Variants in GDAP2 observed in about 807,000 individuals in gnomAD.
GDAP2 encodes ganglioside-induced differentiation-associated protein 2.
Under a neutral mutation model 67.0 loss-of-function variants are expected in GDAP2, and 51 were observed. The observed-to-expected ratio is 0.76, with a 90% CI of 0.61 to 0.96. The LOEUF (loss-of-function observed/expected upper bound fraction) is 0.96. GDAP2 is among the 40% of genes least tolerant of loss of function. The pLI is 0.00. For missense variants in GDAP2, 547 were observed against 588.3 expected, an observed-to-expected ratio of 0.93 and a Z score of 0.73; for synonymous variants, 203 against 207.3, an observed-to-expected ratio of 0.98 and a Z score of 0.18.
intron 10 of GDAP2, 131 bp downstream of exon 10, chr1:117,886,446 C>T: frequency 1.6e-6 from 1 of 608,940 alleles, no homozygotes; most frequent in East Asian, 2.7e-5. Flanking sequence ...ACTCATAGAA[C>T]CAGGTCTGCT....
At chr1:117,927,088 T>A (rs1399106427) in intron 1 of GDAP2, among the ~76,000 whole-genome samples, 2 of 151,760 alleles carry the variant, frequency 1.3e-5, no homozygotes, top group Non-Finnish European at 2.9e-5. Flanking sequence ...CCATAATGAA[T>A]CAAATCTATT....
chr1:117,897,739 A>C (rs1649313122), intron 7 of GDAP2, among the ~76,000 whole-genome samples: 1 of 152,204 alleles, frequency 6.6e-6, no homozygotes, highest in South Asian at 2.1e-4. Context: ...GAAATTCCCA[A>C]GGCAATGCCA....
chr1:117,891,677 G>A (rs967572108), intron 8 of GDAP2, among the ~76,000 whole-genome samples: 4 of 152,008 alleles, frequency 2.6e-5, no homozygotes, highest in East Asian at 1.9e-4. Context: ...CCCCCATTCC[G>A]TAACTTGCTT....
chr1:117,907,921 C>G (rs189965107), intron 5 of GDAP2, among the ~76,000 whole-genome samples: 1 of 152,172 alleles, frequency 6.6e-6, no homozygotes, highest in African/African-American at 2.4e-5. Flanking sequence ...TATACTCCAA[C>G]GCCAACTGTC....
intron 13 of GDAP2, among the ~76,000 whole-genome samples, chr1:117,871,578 G>A (rs1328878215): frequency 1.3e-5 from 2 of 152,078 alleles, no homozygotes; most frequent in East Asian, 1.9e-4. Flanking sequence ...TAAACCTACC[G>A]GGTCTTGAAC....
intron 3 of GDAP2, among the ~76,000 whole-genome samples, chr1:117,918,095 A>G (rs765777789): frequency 9.2e-5 from 14 of 152,208 alleles, no homozygotes; most frequent in Non-Finnish European, 1.3e-4. Context: ...GGAAAGCAAG[A>G]TTTCATATAG....
intron 3 of GDAP2, among the ~76,000 whole-genome samples, chr1:117,915,381 A>G (rs2101159288): frequency 6.6e-6 from 1 of 152,352 alleles, no homozygotes; most frequent in East Asian, 1.9e-4. Context: ...AATACCACAC[A>G]CACAGAGACA....
At chr1:117,911,069 T>C (rs1649837705) in intron 5 of GDAP2, among the ~76,000 whole-genome samples, 1 of 152,206 alleles carries the variant, frequency 6.6e-6, no homozygotes, top group Non-Finnish European at 1.5e-5. Context: ...TATTTGAAGA[T>C]GGACATCATA....
At chr1:117,903,060 C>T (rs149301062) in intron 6 of GDAP2, among the ~76,000 whole-genome samples, 8 of 151,882 alleles carry the variant, frequency 5.3e-5, no homozygotes, top group African/African-American at 1.2e-4. Flanking sequence ...TTTTTGTTTC[C>T]GGATTGGTCA....
At position 117,866,505 on chromosome 1, in the gene GDAP2, C is replaced by T. The variant is rs1029197952; in HGVS notation, c.*4064G>A. 1 of 152,134 alleles carries T rather than the reference C, an allele frequency of 6.6e-6. No homozygotes were observed. Among genetic ancestry groups the T allele is most frequent in the African/African-American group, 2.4e-5 (1 of 41,438 alleles). 9.4% of individuals were successfully genotyped at this position (152,134 alleles called of 1,614,324 possible). Reference sequence around the variant, plus strand: ...ATGCCAAGAAGCATTAGTGCCAGCACAGTTAAAACACTCTAGCGCACGTTA... The same window carrying T: ...ATGCCAAGAAGCATTAGTGCCAGCATAGTTAAAACACTCTAGCGCACGTTA... On this transcript the variant is annotated 3_prime_UTR_variant, in exon 14 of 14. Transcript: ENST00000369443.
In GDAP2 at chr1:117,870,554, C is replaced by G. The variant is rs866735599; in HGVS notation, c.*15G>C. On this transcript the variant is annotated 3_prime_UTR_variant, in exon 14 of 14. Coordinates refer to ENST00000369443, the MANE Select transcript of GDAP2 (RefSeq NM_017686.4). ...GTGGCATCCTGGGAACCAAGAAGCA[C>G]TGAAAGATGGCAGGTCACAAATCTG... is the stretch of plus-strand genomic sequence containing the variant. 6.4e-7 allele frequency: 1 copy of G among 1,559,548 alleles called. No homozygotes were observed. Among genetic ancestry groups the G allele is most frequent in the Non-Finnish European group, 8.8e-7 (1 of 1,130,664 alleles).
At position 117,870,628 on chromosome 1, in the gene GDAP2, A is replaced by C. The variant is rs777887232; in HGVS notation, c.1447-12T>G. 5 of 1,569,652 alleles carry C rather than the reference A, an allele frequency of 3.2e-6. No individual in the cohort carries two copies. The South Asian group carries it at 3.3e-5, about 10-fold the overall frequency. ...TAAGGCCCGTTTTCCTGTGGAAAGA[A>C]AAAAGGAGAAGAACATTTAAGTAAC... On this transcript the variant is annotated splice_polypyrimidine_tract_variant and intron_variant, in intron 13 of 13. Transcript: ENST00000369443.
At chr1:117,897,256 T>C (rs1030376823) in intron 7 of GDAP2, among the ~76,000 whole-genome samples, 9 of 152,222 alleles carry the variant, frequency 5.9e-5, no homozygotes, top group Non-Finnish European at 1.2e-4. Flanking sequence ...AAGAGTAGAA[T>C]GTAGTCACAC....
At position 117,863,568 on chromosome 1, in the gene GDAP2, G is replaced by C. The variant is rs1570956264; in HGVS notation, c.*7001C>G. ...TGTATTTCACATCAATTTGAAATCA[G>C]CACATCATACAATTTTTAAAAGGAA... On this transcript the variant is annotated 3_prime_UTR_variant, in exon 14 of 14. Coordinates refer to ENST00000369443, the MANE Select transcript of GDAP2 (RefSeq NM_017686.4). 3 of 152,234 alleles carry C rather than the reference G, an allele frequency of 2.0e-5. No homozygotes were observed. The highest frequency in any genetic ancestry group is 2.0e-4 in the Admixed American group (3 of 15,286). 9.4% of individuals were successfully genotyped at this position (152,234 alleles called of 1,614,324 possible). A position where few individuals can be genotyped will look rare whatever the true frequency, so the allele number is the denominator to read the frequency against.
Position 117,870,461 on chromosome 1 carries a change from C to G in GDAP2, c.*108G>C. ...TAAAAAAATACCAGAGAGGTGGGGA[C>G]AAAAGGCTCTCTGGATCTGTACAGC... On this transcript the variant is annotated 3_prime_UTR_variant, in exon 14 of 14. Transcript: ENST00000369443. 1 of 761,656 alleles carries G rather than the reference C, an allele frequency of 1.3e-6. No individual in the cohort carries two copies. Among genetic ancestry groups the G allele is most frequent in the Non-Finnish European group, 2.3e-6 (1 of 432,114 alleles). 47.2% of individuals were successfully genotyped at this position (761,656 alleles called of 1,614,324 possible). A position where few individuals can be genotyped will look rare whatever the true frequency, so the allele number is the denominator to read the frequency against.
At chr1:117,876,801 T>C (rs1648471888) in intron 13 of GDAP2, among the ~76,000 whole-genome samples, 1 of 152,214 alleles carries the variant, frequency 6.6e-6, no homozygotes, top group African/African-American at 2.4e-5. Context: ...ATACAGTCCT[T>C]TAGGTTTCCT....
At chr1:117,926,571 A>G (rs949795822) in intron 1 of GDAP2, among the ~76,000 whole-genome samples, 1 of 152,222 alleles carries the variant, frequency 6.6e-6, no homozygotes, top group African/African-American at 2.4e-5. Context: ...GTTTCTCACC[A>G]AAAAGAGGTT....
At chr1:117,901,051 C>G (rs1025460084) in intron 6 of GDAP2, among the ~76,000 whole-genome samples, 1 of 152,108 alleles carries the variant, frequency 6.6e-6, no homozygotes, top group Admixed American at 6.5e-5. Flanking sequence ...CAGGGTGAGA[C>G]TCCGTCTCAA....
chr1:117,887,837 C>T (rs987965291), intron 8 of GDAP2, 63 bp from the exon 9 acceptor site: 3 of 963,384 alleles, frequency 3.1e-6, no homozygotes, highest in Non-Finnish European at 5.0e-6. Context: ...ACAAATGGGA[C>T]CAATTTTTAA....
Sources: gnomAD v4.1 joint callset for allele counts (sites outside exome capture counted in the v4.1 genomes callset) on GRCh38, gnomAD v4.1.1 for gene constraint, MANE v1.5 for transcripts, NCBI Gene and HGNC (gene_info 2026-07-23, HGNC 2026-07-21) for gene names.